The following ATRNL1 variants were observed in gnomAD, a reference collection of about 807,000 sequenced individuals.
ATRNL1 encodes attractin like 1.
Under a neutral mutation model 182.7 loss-of-function variants are expected in ATRNL1, and 95 were observed. That is an observed-to-expected ratio of 0.52 (90% CI 0.44 to 0.62). The LOEUF is 0.62. ATRNL1 is among the 20% of genes least tolerant of loss of function. The pLI, the probability that ATRNL1 is intolerant of heterozygous loss-of-function variation, is 0.00. For missense variants in ATRNL1, 1,471 were observed against 1,679.5 expected (o/e 0.88, Z 2.17); for synonymous variants, 576 against 568.3 (o/e 1.01, Z -0.19).
intron 27 of ATRNL1, among the ~76,000 whole-genome samples, chr10:115,770,621 C>T (rs2907586): frequency 0.99 from 151,076 of 152,286 alleles, 74,950 homozygotes; most frequent in Middle Eastern, 1. Context: ...AATTACATAA[C>T]TGAAGTCAAT....
chr10:115,223,939 T>TTTTTA (rs1362093986), intron 9 of ATRNL1, among the ~76,000 whole-genome samples: 16 of 111,632 alleles, frequency 1.4e-4, no homozygotes, highest in Non-Finnish European at 1.8e-4. Context: ...ATTTTTTTTT[T>TTTTTA]TTTTTTTTTT....
At chr10:115,562,886 G>GA (rs1265090579) in intron 26 of ATRNL1, among the ~76,000 whole-genome samples, 1 of 152,106 alleles carries the variant, frequency 6.6e-6, no homozygotes, top group African/African-American at 2.4e-5. Flanking sequence ...TACATTTCTA[G>GA]AAATTGACAA....
intron 28 of ATRNL1, among the ~76,000 whole-genome samples, chr10:115,852,738 A>G (rs1951086097): frequency 6.6e-6 from 1 of 152,172 alleles, no homozygotes; most frequent in African/African-American, 2.4e-5. Flanking sequence ...TTAAATCCAG[A>G]GTCAAGGAGG....
chr10:115,357,599 CA>C (rs1424179611), intron 19 of ATRNL1, among the ~76,000 whole-genome samples: 1 of 151,546 alleles, frequency 6.6e-6, no homozygotes, highest in Non-Finnish European at 1.5e-5. Context: ...TTTTATATGC[CA>C]TAGGACATGG....
chr10:115,766,882 C>T (rs553079447), intron 27 of ATRNL1, among the ~76,000 whole-genome samples: 1 of 152,220 alleles, frequency 6.6e-6, no homozygotes, highest in African/African-American at 2.4e-5. Context: ...TGAGTGCAGG[C>T]TCTCCTAATT....
intron 20 of ATRNL1, among the ~76,000 whole-genome samples, chr10:115,416,320 C>A (rs1002133076): frequency 6.6e-6 from 1 of 151,992 alleles, no homozygotes; most frequent in Admixed American, 6.5e-5. Flanking sequence ...TTAAATGACA[C>A]ATGGAATTAA....
At chr10:115,413,861 T>C (rs1282938764) in intron 20 of ATRNL1, among the ~76,000 whole-genome samples, 1 of 152,090 alleles carries the variant, frequency 6.6e-6, no homozygotes. Context: ...TGAGGTATCT[T>C]TACTTAGTGG....
At chr10:115,351,186 T>C (rs1856232338) in intron 19 of ATRNL1, among the ~76,000 whole-genome samples, 1 of 152,176 alleles carries the variant, frequency 6.6e-6, no homozygotes, top group Non-Finnish European at 1.5e-5. Context: ...TCATATCATC[T>C]GTAAACAAGG....
At chr10:115,104,507 T>G (rs1478252752) in intron 1 of ATRNL1, among the ~76,000 whole-genome samples, 1 of 152,220 alleles carries the variant, frequency 6.6e-6, no homozygotes, top group Non-Finnish European at 1.5e-5. Context: ...CTCTTCATGT[T>G]GTTGATTGTT....
Position 115,426,269 on chromosome 10 carries a change from T to C in ATRNL1, c.3289T>C (p.Tyr1097His). The change falls in exon 21 of 29, where the codon TAT becomes CAT. Residue 1097 changes from tyrosine to histidine, a missense_variant. Around this residue, in one of 3 missense-constraint regions of ATRNL1, gnomAD observed 437 missense variants for 506.0 expected, o/e 0.86. Coordinates refer to ENST00000355044, the MANE Select transcript of ATRNL1 (RefSeq NM_207303.4). ...CTGCAGATGTGACTCTGAAAATCGC[T>C]ATGTTGGTAATCCACTTAGAGGAAC... Reference protein sequence around the residue: ...QCQLCDSENRYVGNPLRGTCY... With the variant: ...QCQLCDSENRHVGNPLRGTCY... The C allele has an allele frequency of 1.2e-6, 2 of 1,612,554 alleles. No individual in the cohort carries two copies. Among genetic ancestry groups the C allele is most frequent in the Non-Finnish European group, 1.7e-6 (2 of 1,178,998 alleles).
chr10:115,402,106 A>G (rs1305377192), intron 20 of ATRNL1, among the ~76,000 whole-genome samples: 2 of 152,144 alleles, frequency 1.3e-5, no homozygotes, highest in Non-Finnish European at 2.9e-5. Flanking sequence ...TCAAATTCTG[A>G]ATAATATTAT....
intron 26 of ATRNL1, among the ~76,000 whole-genome samples, chr10:115,556,588 T>C (rs1853327759): frequency 6.6e-6 from 1 of 152,106 alleles, no homozygotes; most frequent in African/African-American, 2.4e-5. Flanking sequence ...TGTGAAAAAA[T>C]GTTTCTTAGA....
At chr10:115,697,390 A>T (rs1192967754) in intron 26 of ATRNL1, among the ~76,000 whole-genome samples, 2 of 152,106 alleles carry the variant, frequency 1.3e-5, no homozygotes, top group Non-Finnish European at 2.9e-5. Flanking sequence ...GGCTGGAGTG[A>T]TTATGGCTCA....
intron 26 of ATRNL1, among the ~76,000 whole-genome samples, chr10:115,631,795 C>T (rs1054863511): frequency 6.6e-6 from 1 of 152,042 alleles, no homozygotes; most frequent in Non-Finnish European, 1.5e-5. Flanking sequence ...ATCGAGATCA[C>T]ATTTTGAAAG....
At chr10:115,886,098 TA>T (rs1276505473) in intron 28 of ATRNL1, among the ~76,000 whole-genome samples, 1 of 152,140 alleles carries the variant, frequency 6.6e-6, no homozygotes, top group African/African-American at 2.4e-5. Context: ...TAAATGATCA[TA>T]TAGTTGGTTC....
intron 20 of ATRNL1, among the ~76,000 whole-genome samples, chr10:115,402,302 G>A (rs909212681): frequency 6.6e-6 from 1 of 151,972 alleles, no homozygotes; most frequent in Non-Finnish European, 1.5e-5. Flanking sequence ...ATGAGATTTT[G>A]ATCCCTTTTT....
Position 115,674,643 on chromosome 10 carries a change from T to C in ATRNL1, c.3796-52605T>C, listed in dbSNP as rs572525443. ...AGTACTTAACTGTGTATTTGCCCAT[T>C]TATAGACTTTCTTCAAAAGAGATCT... On this transcript the variant is annotated intron_variant, in intron 26 of 28. Coordinates refer to ENST00000355044, the MANE Select transcript of ATRNL1 (RefSeq NM_207303.4). Among the ~76,000 whole-genome samples the C allele has an allele frequency of 2.6e-5, 4 of 152,194 alleles. No homozygotes were observed. In the South Asian group the frequency reaches 8.3e-4, roughly 32 times the overall value.
chr10:115,530,207 G>GAT (rs1851484896), intron 25 of ATRNL1, among the ~76,000 whole-genome samples: 1 of 152,026 alleles, frequency 6.6e-6, no homozygotes, highest in Admixed American at 6.6e-5. Context: ...TTTTTATGTG[G>GAT]ATATATATTT....
intron 21 of ATRNL1, among the ~76,000 whole-genome samples, chr10:115,442,270 G>GCTCTCTCTCTCTCTCTCT (rs71895625): frequency 1.7e-3 from 173 of 100,366 alleles, no homozygotes; most frequent in Middle Eastern, 0.012. Context: ...ATTTGTGTTT[G>GCTCTCTCTCTCTCTCTCT]CTCTCTCTCT....
Sources: gnomAD v4.1 joint callset for allele counts (sites outside exome capture counted in the v4.1 genomes callset) on GRCh38, gnomAD v4.1.1 for gene constraint, gnomAD v4.1.1 regional missense constraint, MANE v1.5 for transcripts, NCBI Gene and HGNC (gene_info 2026-07-23, HGNC 2026-07-21) for gene names.